C6: variants seen among roughly 807,000 people sequenced by gnomAD.
The protein encoded by C6 is complement component C6.
C6 carries 101 observed loss-of-function variants against 112.9 expected under a neutral mutation model. The ratio of observed to expected loss-of-function variants is 0.89; its 90% CI spans 0.76 to 1.06. The LOEUF is 1.06. C6 is among the 50% of genes least tolerant of loss of function. C6 has a pLI of 0.00. For missense variants in C6, 1,202 were observed against 1,104.6 expected (o/e 1.09, Z -1.25); for synonymous variants, 431 against 384.1 (o/e 1.12, Z -1.43).
intron 1 of C6, among the ~76,000 whole-genome samples, chr5:41,239,072 T>C (rs1405187279): frequency 6.6e-6 from 1 of 151,752 alleles, no homozygotes; most frequent in East Asian, 1.9e-4. Flanking sequence ...TTTTGGGTAT[T>C]CATCATCTGG....
chr5:41,216,707 G>A (rs1752206505), upstream of C6, among the ~76,000 whole-genome samples: 1 of 151,936 alleles, frequency 6.6e-6, no homozygotes, highest in African/African-American at 2.4e-5. Context: ...TCATGTCTAT[G>A]GCTACAGTTC....
At chr5:41,256,727 C>A (rs1741738704) in intron 1 of C6, among the ~76,000 whole-genome samples, 1 of 152,164 alleles carries the variant, frequency 6.6e-6, no homozygotes, top group Non-Finnish European at 1.5e-5. Context: ...TCCAAGCCAA[C>A]CTTCTTTTTT....
chr5:41,174,101 C>T (rs1277372473), intron 8 of C6, among the ~76,000 whole-genome samples: 5 of 152,092 alleles, frequency 3.3e-5, no homozygotes, highest in Admixed American at 1.3e-4. Flanking sequence ...TAACTATAAA[C>T]TTAATTTCAT....
At chr5:41,151,527 G>A (rs1268357966) in intron 15 of C6, among the ~76,000 whole-genome samples, 1 of 152,122 alleles carries the variant, frequency 6.6e-6, no homozygotes, top group Non-Finnish European at 1.5e-5. Context: ...TCCAAACAAC[G>A]TAGATATATA....
chr5:41,211,273 A>G (rs1561177505), intron 1 of C6, among the ~76,000 whole-genome samples: 1 of 151,518 alleles, frequency 6.6e-6, no homozygotes, highest in African/African-American at 2.4e-5. Flanking sequence ...GCATTAGGAC[A>G]TATACCTAAT....
At chr5:41,143,983 A>T (rs1745585697) in intron 17 of C6, among the ~76,000 whole-genome samples, 1 of 152,204 alleles carries the variant, frequency 6.6e-6, no homozygotes, top group African/African-American at 2.4e-5. Context: ...CATATATTCT[A>T]CATGTATGTT....
intron 15 of C6, among the ~76,000 whole-genome samples, chr5:41,151,673 C>T (rs1316000443): frequency 4.6e-5 from 7 of 151,906 alleles, no homozygotes; most frequent in South Asian, 2.1e-4. Flanking sequence ...CAGTGTGAGG[C>T]GAGGGGACAG....
intron 5 of C6, among the ~76,000 whole-genome samples, chr5:41,194,484 A>G (rs1750456176): frequency 2.0e-5 from 3 of 151,872 alleles, no homozygotes; most frequent in African/African-American, 7.3e-5. Context: ...TTGGTTCAAT[A>G]TTTTCTGGGT....
At chr5:41,229,768 G>A (rs375861547) in intron 1 of C6, among the ~76,000 whole-genome samples, 33 of 152,128 alleles carry the variant, frequency 2.2e-4, no homozygotes, top group African/African-American at 7.7e-4. Context: ...ACTGTTAACA[G>A]TGGGGTATTA....
At chr5:41,203,330 A>C in intron 1 of C6, 80 bp from the exon 2 acceptor site, 1 of 1,447,438 alleles carries the variant, frequency 6.9e-7, no homozygotes, top group Non-Finnish European at 9.6e-7. Context: ...TCAGAGATTC[A>C]AATGTGATTT....
At chr5:41,197,995 G>A (rs1212750738) in intron 4 of C6, among the ~76,000 whole-genome samples, 4 of 152,140 alleles carry the variant, frequency 2.6e-5, no homozygotes, top group South Asian at 2.1e-4. Flanking sequence ...TCCATTGGAA[G>A]CGATTTGTGT....
chr5:41,180,601 G>C (rs1238108280), intron 7 of C6, among the ~76,000 whole-genome samples: 1 of 151,936 alleles, frequency 6.6e-6, no homozygotes, highest in Non-Finnish European at 1.5e-5. Flanking sequence ...GTGCAAAAAA[G>C]AATTGTAACT....
intron 9 of C6, among the ~76,000 whole-genome samples, chr5:41,171,656 G>C (rs1358017502): frequency 6.6e-6 from 1 of 152,094 alleles, no homozygotes; most frequent in Non-Finnish European, 1.5e-5. Context: ...GAAGGAGTAA[G>C]ATCATTCTGC....
chr5:41,232,656 A>G (rs1345799798), intron 1 of C6, among the ~76,000 whole-genome samples: 1 of 151,978 alleles, frequency 6.6e-6, no homozygotes, highest in African/African-American at 2.4e-5. Context: ...ACAGAAAAGT[A>G]AAAAAAATTT....
chr5:41,240,725 T>C (rs1171673006), intron 1 of C6, among the ~76,000 whole-genome samples: 1 of 152,030 alleles, frequency 6.6e-6, no homozygotes, highest in Non-Finnish European at 1.5e-5. Context: ...TTTCTGGGCT[T>C]GTGGTTGGGG....
intron 1 of C6, among the ~76,000 whole-genome samples, chr5:41,243,296 A>G (rs1740840218): frequency 6.6e-6 from 1 of 152,218 alleles, no homozygotes; most frequent in Non-Finnish European, 1.5e-5. Context: ...TAAATTATCT[A>G]TTAAACATTT....
intron 1 of C6, among the ~76,000 whole-genome samples, chr5:41,225,897 A>T (rs1235281949): frequency 2.6e-5 from 4 of 152,232 alleles, no homozygotes; most frequent in Admixed American, 6.5e-5. Context: ...CTGACTAGCC[A>T]TATGTAGAAA....
At chr5:41,244,932 G>C (rs1740934169) in intron 1 of C6, among the ~76,000 whole-genome samples, 1 of 152,050 alleles carries the variant, frequency 6.6e-6, no homozygotes, top group South Asian at 2.1e-4. Flanking sequence ...CATTTTTTCA[G>C]TTAAAATGGT....
chr5:41,210,471 G>A (rs1328185675), intron 1 of C6, among the ~76,000 whole-genome samples: 14 of 152,128 alleles, frequency 9.2e-5, no homozygotes, highest in African/African-American at 2.4e-4. Context: ...CTACCCATCC[G>A]ACAAAGGGCT....
Sources: allele counts gnomAD v4.1 joint callset (sites outside exome capture counted in the v4.1 genomes callset), GRCh38; gene constraint gnomAD v4.1.1; transcripts MANE v1.5; gene names NCBI Gene and HGNC (gene_info 2026-07-23, HGNC 2026-07-21).